The following EXOC5 variants were observed in gnomAD, a reference collection of about 807,000 sequenced individuals.
EXOC5 encodes the protein SEC10-like 1.
A neutral mutation model predicts 90.8 loss-of-function variants in EXOC5; 17 were observed. The ratio of observed to expected loss-of-function variants is 0.19; its 90% CI spans 0.13 to 0.28. The LOEUF (loss-of-function observed/expected upper bound fraction) is 0.28. EXOC5 is among the 10% of genes least tolerant of loss of function. The pLI is 1.00. For missense variants in EXOC5, 569 were observed against 830.6 expected (o/e 0.69, Z 3.87); for synonymous variants, 260 against 270.0 (o/e 0.96, Z 0.36).
At chr14:57,223,879 C>A (rs1179902240) in intron 12 of EXOC5, among the ~76,000 whole-genome samples, 1 of 151,788 alleles carries the variant, frequency 6.6e-6, no homozygotes, top group Non-Finnish European at 1.5e-5. Flanking sequence ...CTGACCACAA[C>A]GGAATCAAAT....
chr14:57,256,273 T>G (rs1255855351), intron 1 of EXOC5, among the ~76,000 whole-genome samples: 5 of 152,146 alleles, frequency 3.3e-5, no homozygotes, highest in Admixed American at 1.3e-4. Flanking sequence ...CTCAGGGATC[T>G]CTTAACACCC....
intron 6 of EXOC5, among the ~76,000 whole-genome samples, chr14:57,236,623 C>T (rs376808525): frequency 5.9e-5 from 9 of 152,126 alleles, no homozygotes; most frequent in East Asian, 1.9e-4. Context: ...TGGTTCTTAA[C>T]GAACACCTGA....
At chr14:57,241,173 T>C (rs983503632) in intron 4 of EXOC5, among the ~76,000 whole-genome samples, 1 of 152,174 alleles carries the variant, frequency 6.6e-6, no homozygotes, top group Non-Finnish European at 1.5e-5. Flanking sequence ...TTTTTCTAAG[T>C]AGGCATGTGA....
At chr14:57,227,447 T>C (rs1184062770) in intron 12 of EXOC5, among the ~76,000 whole-genome samples, 2 of 152,198 alleles carry the variant, frequency 1.3e-5, no homozygotes, top group East Asian at 3.9e-4. Flanking sequence ...ACTGAGAGTT[T>C]GCTTTTAATT....
intron 1 of EXOC5, among the ~76,000 whole-genome samples, chr14:57,267,635 T>G (rs973771710): frequency 6.6e-6 from 1 of 152,246 alleles, no homozygotes; most frequent in African/African-American, 2.4e-5. Flanking sequence ...TCCGTTTTCA[T>G]TTCTTTCACA....
chr14:57,254,848 A>G (rs1210424614), intron 1 of EXOC5, among the ~76,000 whole-genome samples: 2 of 152,196 alleles, frequency 1.3e-5, no homozygotes, highest in African/African-American at 4.8e-5. Context: ...AGGCCTCAGC[A>G]TGATAACTAC....
intron 4 of EXOC5, among the ~76,000 whole-genome samples, chr14:57,242,587 G>C (rs759735805): frequency 1.4e-4 from 22 of 151,998 alleles, no homozygotes; most frequent in Non-Finnish European, 2.8e-4. Flanking sequence ...AATGACTAGG[G>C]GGAAAGAAGG....
At chr14:57,226,891 A>C (rs2139628979) in intron 12 of EXOC5, among the ~76,000 whole-genome samples, 1 of 152,334 alleles carries the variant, frequency 6.6e-6, no homozygotes, top group African/African-American at 2.4e-5. Context: ...ATAGGAGGAA[A>C]ACTTTGTAAC....
chr14:57,233,828 A>G lies in EXOC5; in HGVS notation c.770T>C (p.Val257Ala). The change falls in exon 9 of 18, where the codon GTG (valine) becomes GCG (alanine). Residue 257 changes from valine (V) to alanine (A), a missense_variant. Coordinates refer to ENST00000621441, the MANE Select transcript of EXOC5 (RefSeq NM_006544.4). ...FEDAGILCQR[V>A]NKQVGDIFSN... ...GAAGATATCTCCAACTTGTTTGTTCACTCTTTGACAGAGTATTCCAGCGTC... is the reference window on the plus strand; with the variant it reads ...GAAGATATCTCCAACTTGTTTGTTCGCTCTTTGACAGAGTATTCCAGCGTC... 6.2e-7 allele frequency: 1 copy of G among 1,608,510 alleles called. No homozygotes were observed.
At chr14:57,234,074 T>C (rs1566731521) in intron 7 of EXOC5, 42 bp from the exon 8 acceptor site, 2 of 1,376,032 alleles carry the variant, frequency 1.5e-6, no homozygotes, top group Non-Finnish European at 2.1e-6. Context: ...GATTCAATTA[T>C]AATAATTATT....
intron 12 of EXOC5, among the ~76,000 whole-genome samples, chr14:57,227,732 C>T (rs1028071697): frequency 2.6e-5 from 4 of 152,054 alleles, no homozygotes; most frequent in Admixed American, 6.6e-5. Context: ...ACTGCGTATG[C>T]GTATTCTTTG....
intron 1 of EXOC5, among the ~76,000 whole-genome samples, chr14:57,248,629 A>C (rs1245282835): frequency 6.6e-6 from 1 of 152,068 alleles, no homozygotes; most frequent in Non-Finnish European, 1.5e-5. Flanking sequence ...ATACACACTA[A>C]TTTACATACT....
intron 7 of EXOC5, 64 bp from the exon 8 acceptor site, chr14:57,234,096 AG>A (rs1883575357): frequency 7.9e-7 from 1 of 1,269,762 alleles, no homozygotes; most frequent in Non-Finnish European, 1.1e-6. Flanking sequence ...TTTCAAAAAA[AG>A]AAGTGTTATA....
chr14:57,262,008 T>C (rs920807723), intron 1 of EXOC5, among the ~76,000 whole-genome samples: 1 of 152,068 alleles, frequency 6.6e-6, no homozygotes, highest in South Asian at 2.1e-4. Flanking sequence ...TCCTGAAAAA[T>C]ACAACCTTCC....
At chr14:57,229,924 C>A in intron 11 of EXOC5, 43 bp from the exon 12 acceptor site, 1 of 1,257,822 alleles carries the variant, frequency 8.0e-7, no homozygotes, top group Middle Eastern at 2.3e-4. Context: ...AAACATTTTA[C>A]TTAGATTTCA....
intron 3 of EXOC5, among the ~76,000 whole-genome samples, chr14:57,246,438 G>A (rs767226686): frequency 1.3e-5 from 2 of 152,122 alleles, no homozygotes; most frequent in Non-Finnish European, 2.9e-5. Flanking sequence ...TTCAAAGTTC[G>A]CATTGTTAGA....
chr14:57,216,640 C>T (rs373009182), intron 15 of EXOC5, among the ~76,000 whole-genome samples: 1 of 152,038 alleles, frequency 6.6e-6, no homozygotes, highest in South Asian at 2.1e-4. Context: ...AAAAACCCAA[C>T]TCAAAATGGA....
chr14:57,229,564 CTAAT>C (rs1358940485), intron 12 of EXOC5, among the ~76,000 whole-genome samples, 166 bp downstream of exon 12: 1 of 152,080 alleles, frequency 6.6e-6, no homozygotes, highest in Non-Finnish European at 1.5e-5. Flanking sequence ...AATCTACAGA[CTAAT>C]TAAAGTATAA....
At chr14:57,244,461 T>C in intron 3 of EXOC5, 102 bp from the exon 4 acceptor site, 1 of 838,716 alleles carries the variant, frequency 1.2e-6, no homozygotes, top group Non-Finnish European at 1.9e-6. Context: ...AGAAGTTATA[T>C]ACGAGATGAT....
Sources: gnomAD v4.1 joint callset for allele counts (sites outside exome capture counted in the v4.1 genomes callset) on GRCh38, gnomAD v4.1.1 for gene constraint, MANE v1.5 for transcripts, NCBI Gene and HGNC (gene_info 2026-07-23, HGNC 2026-07-21) for gene names.